SPG11: variants seen among roughly 807,000 people sequenced by gnomAD.
The protein encoded by SPG11 is SPG11 vesicle trafficking associated, spatacsin.
Under a neutral mutation model 274.0 loss-of-function variants are expected in SPG11, and 222 were observed. The ratio of observed to expected loss-of-function variants is 0.81; its 90% CI spans 0.73 to 0.91. SPG11 has a LOEUF of 0.91. Ranked by LOEUF, SPG11 falls within the 40% of genes least tolerant of loss-of-function variation. The pLI is 0.00. For missense variants in SPG11, 3,114 were observed against 2,872.7 expected, an observed-to-expected ratio of 1.08 and a Z score of -1.92; for synonymous variants, 1,144 against 1,039.7, an observed-to-expected ratio of 1.10 and a Z score of -1.93.
intron 7 of SPG11, among the ~76,000 whole-genome samples, chr15:44,639,002 A>AT (rs1555458323): frequency 4.6e-5 from 7 of 152,134 alleles, no homozygotes; most frequent in African/African-American, 1.7e-4. Flanking sequence ...TCCAAAAAAA[A>AT]AATAATAATA....
At chr15:44,598,565 A>G in intron 22 of SPG11, 66 bp downstream of exon 22, 1 of 1,486,238 alleles carries the variant, frequency 6.7e-7, no homozygotes. Context: ...AAACACTCAC[A>G]ATTCAATGCC....
At chr15:44,586,406 G>A (rs1016170670) in intron 28 of SPG11, among the ~76,000 whole-genome samples, 4 of 152,096 alleles carry the variant, frequency 2.6e-5, no homozygotes, top group Admixed American at 6.6e-5. Context: ...AGCAGTTTGG[G>A]AGGCCGAGGT....
chr15:44,598,227 G>T, intron 23 of SPG11, 38 bp downstream of exon 23: 1 of 1,510,112 alleles, frequency 6.6e-7, no homozygotes, highest in Non-Finnish European at 9.2e-7. Flanking sequence ...GGCACAATAA[G>T]CTTGTTAGAA....
intron 4 of SPG11, among the ~76,000 whole-genome samples, chr15:44,654,685 C>G (rs1047047368): frequency 2.6e-5 from 4 of 151,656 alleles, no homozygotes; most frequent in Non-Finnish European, 5.9e-5. Context: ...ACTAAAAATA[C>G]AAAAAATTAG....
intron 7 of SPG11, among the ~76,000 whole-genome samples, chr15:44,648,662 TA>T (rs760249178): frequency 2.0e-5 from 3 of 152,164 alleles, no homozygotes; most frequent in Non-Finnish European, 4.4e-5. Context: ...TTATTTACTA[TA>T]ATCTTATATC....
At chr15:44,613,180 C>T (rs1238898047) in intron 17 of SPG11, among the ~76,000 whole-genome samples, 1 of 152,178 alleles carries the variant, frequency 6.6e-6, no homozygotes, top group Non-Finnish European at 1.5e-5. Context: ...AATTCTAGAG[C>T]ACGATGCTAA....
At chr15:44,619,486 A>C (rs1162914837) in intron 15 of SPG11, among the ~76,000 whole-genome samples, 1 of 152,098 alleles carries the variant, frequency 6.6e-6, no homozygotes, top group Non-Finnish European at 1.5e-5. Context: ...TCCCCTCATT[A>C]TTTCTTAATT....
At chr15:44,661,934 A>T (rs1193041701) in intron 1 of SPG11, among the ~76,000 whole-genome samples, 6 of 152,210 alleles carry the variant, frequency 3.9e-5, no homozygotes, top group African/African-American at 1.4e-4. Flanking sequence ...AAAAAAGTTA[A>T]AAAGTCCTTT....
rs150920188 is a variant in SPG11, at chr15:44,613,327, C to G, written c.3145+103G>C. ...TAGATTACATTCAGATAGCTGACCA[C>G]AGCCAAATAATTTATTTAAAAGAGT... On this transcript the variant is annotated intron_variant, in intron 17 of 39. Coordinates refer to ENST00000261866, the MANE Select transcript of SPG11 (RefSeq NM_025137.4). 9.6e-4 allele frequency: 787 copies of G among 820,760 alleles called. 14 individuals are homozygous for G. In the East Asian group the frequency reaches 0.021, roughly 22 times the overall value. 50.8% of individuals were successfully genotyped at this position (820,760 alleles called of 1,614,324 possible).
chr15:44,563,444 T>C, intron 39 of SPG11, 143 bp from the exon 40 acceptor site: 4 of 702,744 alleles, frequency 5.7e-6, no homozygotes, highest in Non-Finnish European at 9.8e-6. Flanking sequence ...GTTCAAGTGA[T>C]TCTTGTGCCT....
Position 44,662,039 on chromosome 15 carries a change from C to T in SPG11, c.257+1352G>A, listed in dbSNP as rs141232169. ...CCTTCCCTGCTGGGTTCTCAAACAC[C>T]TAAAGATTTCGGCTTTTCTTTGCCC... On this transcript the variant is annotated intron_variant, in intron 1 of 39. Transcript: ENST00000261866. Among the ~76,000 whole-genome samples the T allele has an allele frequency of 2.6e-4, 39 of 152,252 alleles. 2 individuals carry two copies. The East Asian group carries it at 7.3e-3, about 29-fold the overall frequency.
At position 44,566,155 on chromosome 15, in the gene SPG11, G is replaced by T. The variant is rs80338870; in HGVS notation, c.6843+62C>A. On this transcript the variant is annotated intron_variant, in intron 37 of 39. Transcript: ENST00000261866. ...ACCTGGAAAGAGCCCAAGGACAAAA[G>T]AAAATAATTTTACTGCAGACAGCAA... 4 of 1,604,526 alleles carry T rather than the reference G, an allele frequency of 2.5e-6. No individual in the cohort carries two copies. The African/African-American group carries it at 4.0e-5, about 16-fold the overall frequency.
intron 17 of SPG11, among the ~76,000 whole-genome samples, chr15:44,611,999 C>T (rs150812688): frequency 0.012 from 1,787 of 151,936 alleles, 30 homozygotes; most frequent in East Asian, 0.038. Flanking sequence ...TTAGTAGAGA[C>T]GGGGTTTCCC....
rs1414306918 is a variant in SPG11, at chr15:44,660,629, G to C, written c.258-13C>G. The C allele has an allele frequency of 1.2e-6, 2 of 1,613,328 alleles. No individual in the cohort carries two copies. The highest frequency in any genetic ancestry group is 1.3e-5 in the African/African-American group (1 of 74,892). ...CTCCCATAGAAAGCTAAGAAAAAAA[G>C]TTTAGATTTATTATATTCTATATCC... On this transcript the variant is annotated splice_polypyrimidine_tract_variant and intron_variant, in intron 1 of 39. Transcript: ENST00000261866.
chr15:44,657,190 T>C lies in SPG11; in HGVS notation c.774A>G (p.Ser258=). The part of the protein sequence containing the change: ...EQQQEPAKIS[S]FTSLKVSQDL... ...CTTGAGAAACTTTCAGTGAAGTAAA[T>C]GAAGAAATCTTGGCTGGCTCCTGTT... The change falls in exon 4 of 40, where the codon TCA becomes TCG. Residue 258 remains serine, a synonymous_variant. Transcript: ENST00000261866. 1.2e-6 allele frequency: 2 copies of C among 1,614,146 alleles called. No homozygotes were observed. Among genetic ancestry groups the C allele is most frequent in the Non-Finnish European group, 1.7e-6 (2 of 1,180,018 alleles).
At chr15:44,571,860 C>G (rs1306432543) in intron 33 of SPG11, among the ~76,000 whole-genome samples, 1 of 152,144 alleles carries the variant, frequency 6.6e-6, no homozygotes, top group Non-Finnish European at 1.5e-5. Flanking sequence ...GTTGCAATCA[C>G]AGCTCATTGC....
rs1168534208 is a variant in SPG11 at position 44,620,380 on chromosome 15, C to T, written c.2644G>A (p.Ala882Thr). 1.2e-6 allele frequency: 2 copies of T among 1,613,402 alleles called. No individual in the cohort carries two copies. The highest frequency in any genetic ancestry group is 1.7e-6 in the Non-Finnish European group (2 of 1,179,674). The stretch of plus-strand genomic sequence containing the variant: ...CGAGCTGTGAGGTATCTCCAGAGGG[C>T]TTCAGGGGAATATGATTTGTATTCT... ...PEEYKSYSPE[A>T]LWRYLTARHD... Residue 882 changes from alanine to threonine, a missense_variant, in exon 15 of 40, where the codon GCC (alanine) becomes ACC (threonine). Transcript: ENST00000261866.
At chr15:44,621,675 T>C (rs2083755104) in intron 14 of SPG11, 84 bp downstream of exon 14, 12 of 1,323,394 alleles carry the variant, frequency 9.1e-6, no homozygotes, top group African/African-American at 1.4e-5. Context: ...ATTCTAAAAT[T>C]GAGACACATC....
intron 7 of SPG11, among the ~76,000 whole-genome samples, chr15:44,645,090 C>T (rs932461523): frequency 6.6e-6 from 1 of 152,130 alleles, no homozygotes; most frequent in African/African-American, 2.4e-5. Flanking sequence ...TCATATGGAT[C>T]CAAAAAAGAT....
Sources: allele counts gnomAD v4.1 joint callset (sites outside exome capture counted in the v4.1 genomes callset), GRCh38; gene constraint gnomAD v4.1.1; transcripts MANE v1.5; gene names NCBI Gene and HGNC (gene_info 2026-07-23, HGNC 2026-07-21).